Variants in UVRAG observed in about 807,000 individuals in gnomAD.
UVRAG encodes UV radiation resistance-associated gene protein.
UVRAG carries 19 observed loss-of-function variants against 78.0 expected under a neutral mutation model. The observed-to-expected ratio is 0.24, with a 90% CI of 0.17 to 0.36. The LOEUF (loss-of-function observed/expected upper bound fraction) is 0.36, where lower values mean the gene tolerates loss of function less well. UVRAG is among the 10% of genes least tolerant of loss of function. UVRAG has a pLI of 1.00. For synonymous variants in UVRAG, 323 were observed against 324.6 expected (o/e 1.00, Z 0.05); for missense variants, 740 against 853.8 (o/e 0.87, Z 1.66).
chr11:76,129,697 A>G (rs143621642), intron 14 of UVRAG, among the ~76,000 whole-genome samples: 3 of 152,044 alleles, frequency 2.0e-5, no homozygotes, highest in Admixed American at 6.5e-5. Context: ...ATTCCTGCCA[A>G]TTTCTCCTGC....
chr11:76,020,959 G>C (rs946508535), intron 12 of UVRAG, among the ~76,000 whole-genome samples: 2 of 152,136 alleles, frequency 1.3e-5, no homozygotes, highest in African/African-American at 4.8e-5. Flanking sequence ...GATGGGCATT[G>C]GCTGAGTTTA....
chr11:76,116,115 T>C, intron 14 of UVRAG, 100 bp downstream of exon 14: 1 of 1,119,746 alleles, frequency 8.9e-7, no homozygotes, highest in South Asian at 1.4e-5. Context: ...CTCTGAGTTT[T>C]CTTCTGTAAT....
Position 75,908,691 on chromosome 11 carries a change from G to C in UVRAG, c.508-3263G>C, listed in dbSNP as rs149824588. Among the ~76,000 whole-genome samples the C allele has an allele frequency of 5.2e-3, 696 of 133,716 alleles. 3 individuals carry two copies. Among genetic ancestry groups the C allele is most frequent in the African/African-American group, 0.018 (635 of 35,762 alleles). The allele number at this position is 133,716 out of a possible 152,430, so 87.7% of individuals were successfully genotyped here. On this transcript the variant is annotated intron_variant, in intron 5 of 14. Transcript: ENST00000356136. Reference sequence around the variant, plus strand: ...ATTAAATAATTGGTCAAATTCACCAGTCAAATAATCTGGTTCTGGGCTTTT... The same window carrying C: ...ATTAAATAATTGGTCAAATTCACCACTCAAATAATCTGGTTCTGGGCTTTT...
chr11:75,815,830 G>A (rs1945253119), intron 1 of UVRAG, among the ~76,000 whole-genome samples: 1 of 152,098 alleles, frequency 6.6e-6, no homozygotes, highest in African/African-American at 2.4e-5. Context: ...GCAGGGAGCC[G>A]GGGATTGCCC....
In UVRAG at chr11:76,033,039, T is replaced by A. The variant is rs540172394; in HGVS notation, c.1226+16059T>A. Among the ~76,000 whole-genome samples the A allele has an allele frequency of 1.8e-3, 276 of 152,352 alleles. 1 individual carries two copies. The highest frequency in any genetic ancestry group is 3.4e-3 in the Non-Finnish European group (232 of 68,020). On this transcript the variant is annotated intron_variant, in intron 12 of 14. Coordinates refer to ENST00000356136, the MANE Select transcript of UVRAG (RefSeq NM_003369.4). ...ATTTTTGATCACGGATTGGTTGTAA[T>A]AAATATATGACTAATTTGATTTAAA...
intron 6 of UVRAG, among the ~76,000 whole-genome samples, chr11:75,921,219 A>G (rs1389186712): frequency 6.6e-6 from 1 of 152,214 alleles, no homozygotes; most frequent in Non-Finnish European, 1.5e-5. Context: ...TGTGCTGGCA[A>G]TGGCCATCAT....
chr11:75,998,476 G>C (rs1949748622), intron 8 of UVRAG, among the ~76,000 whole-genome samples: 1 of 152,044 alleles, frequency 6.6e-6, no homozygotes, highest in Non-Finnish European at 1.5e-5. Flanking sequence ...CTAAGATGTA[G>C]GTGAAAGGAG....
chr11:75,874,210 G>T (rs1471335805), intron 3 of UVRAG, among the ~76,000 whole-genome samples: 1 of 151,762 alleles, frequency 6.6e-6, no homozygotes, highest in Admixed American at 6.6e-5. Context: ...GGAAATTGTT[G>T]ACATTCTCTT....
intron 6 of UVRAG, among the ~76,000 whole-genome samples, chr11:75,936,061 T>C (rs1948368104): frequency 6.6e-6 from 1 of 152,244 alleles, no homozygotes; most frequent in Non-Finnish European, 1.5e-5. Context: ...AATTTTGGTT[T>C]GTCTGATGTT....
chr11:75,982,656 G>A (rs1251773724), intron 7 of UVRAG, among the ~76,000 whole-genome samples: 3 of 152,314 alleles, frequency 2.0e-5, no homozygotes, highest in East Asian at 3.9e-4. Flanking sequence ...AAACGGGCAG[G>A]GGGGTTAGAG....
At chr11:75,888,955 G>GC in intron 5 of UVRAG, 52 bp downstream of exon 5, 2 of 1,476,096 alleles carry the variant, frequency 1.4e-6, no homozygotes, top group Non-Finnish European at 1.9e-6. Flanking sequence ...GGTGTGCCTT[G>GC]CAGGTGTACA....
At chr11:75,933,642 A>T (rs1051246453) in intron 6 of UVRAG, among the ~76,000 whole-genome samples, 8 of 152,214 alleles carry the variant, frequency 5.3e-5, no homozygotes, top group African/African-American at 1.9e-4. Flanking sequence ...AAGGAGCTCA[A>T]ACAACTCTGG....
intron 6 of UVRAG, among the ~76,000 whole-genome samples, chr11:75,932,296 T>TTG (rs1555089857): frequency 1.5e-4 from 23 of 151,700 alleles, no homozygotes; most frequent in African/African-American, 5.6e-4. Flanking sequence ...TTTATTTATT[T>TTG]ATTTATTGAG....
chr11:75,971,154 T>C (rs758628671), intron 7 of UVRAG, among the ~76,000 whole-genome samples: 22 of 152,224 alleles, frequency 1.4e-4, no homozygotes, highest in Non-Finnish European at 2.4e-4. Flanking sequence ...AATATGCATG[T>C]ACAATTTCTC....
intron 4 of UVRAG, among the ~76,000 whole-genome samples, chr11:75,883,058 A>G (rs918861779): frequency 6.6e-6 from 1 of 152,156 alleles, no homozygotes; most frequent in South Asian, 2.1e-4. Flanking sequence ...TATCCCATCT[A>G]TCTTCCCACA....
At chr11:75,931,045 T>C (rs921623833) in intron 6 of UVRAG, 1 of 151,972 alleles carries the variant, frequency 6.6e-6, no homozygotes, top group Non-Finnish European at 1.5e-5. Context: ...TTTTCAAAAT[T>C]AATTTTTTGG....
Position 75,815,329 on chromosome 11 carries a change from C to A in UVRAG, c.-79C>A. On this transcript the variant is annotated 5_prime_UTR_variant, in exon 1 of 15. Transcript: ENST00000356136. ...GTGGCGGGTTTCTAGGCTGCAGGGG[C>A]TTGGTAGGTGGTGGCAAGGGGGCGG... is the stretch of plus-strand genomic sequence containing the variant. 1.3e-6 allele frequency: 1 copy of A among 750,734 alleles called. No homozygotes were observed. The highest frequency in any genetic ancestry group is 1.8e-6 in the Non-Finnish European group (1 of 542,262). The allele number at this position is 750,734 out of a possible 1,614,324, so 46.5% of individuals were successfully genotyped here.
At chr11:76,003,274 T>G in intron 8 of UVRAG, among the ~76,000 whole-genome samples, 1 of 137,372 alleles carries the variant, frequency 7.3e-6, no homozygotes, top group African/African-American at 2.8e-5. Context: ...TTTTTTTTTT[T>G]TTTTTTTTTT....
At chr11:76,053,507 C>A (rs1950914228) in intron 12 of UVRAG, among the ~76,000 whole-genome samples, 1 of 152,090 alleles carries the variant, frequency 6.6e-6, no homozygotes, top group Non-Finnish European at 1.5e-5. Flanking sequence ...TTCAGTTCTT[C>A]CCACATATCT....
Sources: allele counts gnomAD v4.1 joint callset (sites outside exome capture counted in the v4.1 genomes callset), GRCh38; gene constraint gnomAD v4.1.1; transcripts MANE v1.5; gene names NCBI Gene and HGNC (gene_info 2026-07-23, HGNC 2026-07-21).